IQCM: variants seen among roughly 807,000 people sequenced by gnomAD.
The protein encoded by IQCM is IQ motif containing M, also known as IQ domain-containing protein M.
A neutral mutation model predicts 57.6 loss-of-function variants in IQCM; 45 were observed. The observed-to-expected ratio is 0.78, with a 90% CI of 0.62 to 1.00. IQCM has a LOEUF of 1.00. Among genes scored for constraint, IQCM ranks in the 50% least tolerant of loss-of-function variants. The pLI is 0.00. For synonymous variants in IQCM, 148 were observed against 158.9 expected, an observed-to-expected ratio of 0.93 and a Z score of 0.51; for missense variants, 468 against 511.6, an observed-to-expected ratio of 0.91 and a Z score of 0.82.
chr4:149,745,007 A>G (rs933415011), intron 2 of IQCM, among the ~76,000 whole-genome samples: 1 of 152,190 alleles, frequency 6.6e-6, no homozygotes, highest in Non-Finnish European at 1.5e-5. Flanking sequence ...GACATAAAAG[A>G]GAGTTCAAGA....
chr4:149,460,398 A>T (rs1037195158), intron 12 of IQCM, among the ~76,000 whole-genome samples: 19 of 152,302 alleles, frequency 1.2e-4, no homozygotes, highest in African/African-American at 4.6e-4. Context: ...TCTACCCATT[A>T]AAAAATTTCA....
rs1277717349 is a variant in IQCM at position 149,390,234 on chromosome 4, G to A, written c.1391-38168C>T. Among the ~76,000 whole-genome samples, 4 of 151,934 alleles carry A rather than the reference G, an allele frequency of 2.6e-5. No homozygotes were observed. The East Asian group carries it at 7.8e-4, about 29-fold the overall frequency. ...CTTTGTGCTATTTTAAATGGAATCA[G>A]TTCCTTAATTTTGTTGTTTAATTAC... On this transcript the variant is annotated intron_variant, in intron 13 of 13. Coordinates refer to ENST00000636793, the MANE Select transcript of IQCM (RefSeq NM_001363507.2).
chr4:149,521,507 C>T (rs1216093177), intron 12 of IQCM, among the ~76,000 whole-genome samples: 1 of 152,156 alleles, frequency 6.6e-6, no homozygotes, highest in East Asian at 1.9e-4. Context: ...ATATTTGAAT[C>T]ATTCAAGCTT....
intron 12 of IQCM, among the ~76,000 whole-genome samples, chr4:149,473,215 A>G (rs1739781237): frequency 1.3e-5 from 2 of 152,238 alleles, no homozygotes; most frequent in Admixed American, 1.3e-4. Flanking sequence ...AAGTTTTGCA[A>G]TCTACCCATC....
At chr4:149,743,013 G>A (rs969410882) in intron 2 of IQCM, among the ~76,000 whole-genome samples, 3 of 152,082 alleles carry the variant, frequency 2.0e-5, no homozygotes, top group African/African-American at 7.2e-5. Context: ...TGGCAGATGT[G>A]GAAATTGGAG....
intron 12 of IQCM, among the ~76,000 whole-genome samples, chr4:149,447,238 A>G (rs927639938): frequency 6.6e-6 from 1 of 151,564 alleles, no homozygotes; most frequent in African/African-American, 2.4e-5. Flanking sequence ...TAGGGACACA[A>G]ACAGCAAATA....
At chr4:149,428,246 A>G (rs1332256973) in intron 13 of IQCM, among the ~76,000 whole-genome samples, 2 of 151,874 alleles carry the variant, frequency 1.3e-5, no homozygotes, top group Non-Finnish European at 2.9e-5. Context: ...AGATTAAAAA[A>G]TATGGGTAGA....
At chr4:149,785,108 T>C (rs1014973935) in intron 2 of IQCM, among the ~76,000 whole-genome samples, 5 of 152,200 alleles carry the variant, frequency 3.3e-5, no homozygotes, top group Admixed American at 2.0e-4. Flanking sequence ...GATGCTAACT[T>C]CCTGATTCCT....
intron 5 of IQCM, 38 bp from the exon 6 acceptor site, chr4:149,686,506 T>G: frequency 1.1e-6 from 1 of 887,186 alleles, no homozygotes; most frequent in Non-Finnish European, 1.5e-6. Context: ...ATACTATTAG[T>G]TTTCAAGTTG....
chr4:149,812,327 G>C (rs1448364703), intron 2 of IQCM, among the ~76,000 whole-genome samples: 1 of 151,968 alleles, frequency 6.6e-6, no homozygotes, highest in Non-Finnish European at 1.5e-5. Flanking sequence ...ACTTTTAATT[G>C]GAGGATGGGA....
intron 7 of IQCM, among the ~76,000 whole-genome samples, chr4:149,681,052 C>A (rs1389016708): frequency 6.6e-6 from 1 of 151,248 alleles, no homozygotes; most frequent in Non-Finnish European, 1.5e-5. Flanking sequence ...CGTTCATAAA[C>A]CTTTTGATCA....
At chr4:149,444,452 A>T in intron 12 of IQCM, among the ~76,000 whole-genome samples, 1 of 152,086 alleles carries the variant, frequency 6.6e-6, no homozygotes. Context: ...TCCTGGAAAT[A>T]TAAGACAACT....
At chr4:149,801,615 A>C (rs1561289754) in intron 2 of IQCM, among the ~76,000 whole-genome samples, 3 of 152,008 alleles carry the variant, frequency 2.0e-5, no homozygotes, top group South Asian at 4.1e-4. Context: ...GGAGATCATT[A>C]TGTTAAATGA....
intron 13 of IQCM, among the ~76,000 whole-genome samples, chr4:149,432,471 A>G (rs1734962671): frequency 6.6e-6 from 1 of 152,022 alleles, no homozygotes; most frequent in Admixed American, 6.6e-5. Flanking sequence ...ACTTCAATTT[A>G]TATCTTGAGC....
intron 12 of IQCM, among the ~76,000 whole-genome samples, chr4:149,443,707 AG>A (rs1736208602): frequency 6.7e-6 from 1 of 149,422 alleles, no homozygotes; most frequent in African/African-American, 2.5e-5. Flanking sequence ...AGGAAAGGAA[AG>A]GAAAGGAAAG....
chr4:149,407,582 T>C (rs1433131919), intron 13 of IQCM, among the ~76,000 whole-genome samples: 1 of 152,146 alleles, frequency 6.6e-6, no homozygotes, highest in Non-Finnish European at 1.5e-5. Flanking sequence ...AATTTTCTGT[T>C]ATTGAGTCAT....
intron 9 of IQCM, among the ~76,000 whole-genome samples, chr4:149,584,148 C>T (rs1296002886): frequency 6.6e-6 from 1 of 151,290 alleles, no homozygotes; most frequent in East Asian, 2.0e-4. Context: ...GAAAAATGTT[C>T]CTTTGGCAAT....
chr4:149,610,667 G>A (rs1164150590), intron 8 of IQCM, among the ~76,000 whole-genome samples: 1 of 151,886 alleles, frequency 6.6e-6, no homozygotes, highest in Non-Finnish European at 1.5e-5. Context: ...AACATCCATA[G>A]GCAGAAGAAT....
intron 5 of IQCM, among the ~76,000 whole-genome samples, chr4:149,731,646 T>A (rs939565648): frequency 6.6e-6 from 1 of 152,044 alleles, no homozygotes; most frequent in Non-Finnish European, 1.5e-5. Flanking sequence ...CCTAAAATAA[T>A]CCACTAATTC....
Sources: gnomAD v4.1 joint callset for allele counts (sites outside exome capture counted in the v4.1 genomes callset) on GRCh38, gnomAD v4.1.1 for gene constraint, MANE v1.5 for transcripts, NCBI Gene and HGNC (gene_info 2026-07-23, HGNC 2026-07-21) for gene names.